ZNF486: variants seen among roughly 807,000 people sequenced by gnomAD.
ZNF486 encodes zinc finger protein 486.
In ZNF486, 12 loss-of-function variants were observed where a neutral mutation model predicts 12.8. The ratio of observed to expected loss-of-function variants is 0.94; its 90% confidence interval spans 0.60 to 1.52. ZNF486 has a LOEUF of 1.52. Ranked by LOEUF, ZNF486 falls within the 40% of genes most tolerant of loss-of-function variation. The probability of loss-of-function intolerance (pLI) is 0.00; values close to 1 mark genes in which losing one functional copy is unlikely to be tolerated. For synonymous variants in ZNF486, 231 were observed against 184.9 expected (o/e 1.25, Z -2.02); for missense variants, 738 against 545.0 (o/e 1.35, Z -3.53).
At position 20,197,177 on chromosome 19, in the gene ZNF486, G is replaced by A; in HGVS notation, c.467G>A (p.Cys156Tyr). 6.2e-7 allele frequency: 1 copy of A among 1,613,730 alleles called. No individual in the cohort carries two copies. The highest frequency in any genetic ancestry group is 8.5e-7 in the Non-Finnish European group (1 of 1,179,890). Reference sequence around the variant, plus strand: ...ACTACCCAGAGCAAAATATTTCAATGTGGTAAATATGTGAAAGTCTTTCAT... The same window carrying A: ...ACTACCCAGAGCAAAATATTTCAATATGGTAAATATGTGAAAGTCTTTCAT... The part of the protein sequence containing the change: ...LTTTQSKIFQ[C>Y]GKYVKVFHQF... The change falls in exon 4 of 4, where the codon TGT becomes TAT. Residue 156 changes from cysteine to tyrosine, a missense_variant. By Grantham distance (194) the Cys-to-Tyr change is radical. Coordinates refer to ENST00000335117, the MANE Select transcript of ZNF486 (RefSeq NM_052852.4).
chr19:20,193,810 GT>G (rs1377438132), intron 3 of ZNF486, among the ~76,000 whole-genome samples: 1 of 150,308 alleles, frequency 6.7e-6, no homozygotes, highest in African/African-American at 2.4e-5. Context: ...TCTTTTTTGT[GT>G]TTTTTTAATT....
rs11880833 is a variant in ZNF486 at position 20,185,582 on chromosome 19, T to C, written c.158-405T>C. ...GCACGTGCCGCTGCACCCAGCTTTT[T>C]GTATTTTAGTAGAAATGGGGTTTCA... On this transcript the variant is annotated intron_variant, in intron 2 of 3. Transcript: ENST00000335117. Among the ~76,000 whole-genome samples the C allele has an allele frequency of 8.3e-4, 126 of 151,870 alleles. 1 individual carries two copies. Among genetic ancestry groups the C allele is most frequent in the African/African-American group, 3.0e-3 (124 of 41,444 alleles).
chr19:20,184,049 CT>C, intron 1 of ZNF486, among the ~76,000 whole-genome samples: 1 of 152,194 alleles, frequency 6.6e-6, no homozygotes, highest in Admixed American at 6.5e-5. Context: ...ATATTCATAA[CT>C]GATTCTGTAT....
chr19:20,195,390 A>T (rs782602120), intron 3 of ZNF486, among the ~76,000 whole-genome samples: 16 of 152,156 alleles, frequency 1.1e-4, no homozygotes, highest in Non-Finnish European at 2.2e-4. Context: ...GCTGGTCTCA[A>T]ACTTCTGACC....
In ZNF486 at chr19:20,197,033, T is replaced by A; in HGVS notation, c.323T>A (p.Ile108Lys). ...ATAAAAGATTCTTACCAAAAAGTGA[T>A]ACTGAGAAAATTTGAAAAATGTGGA... ...QSIKDSYQKVILRKFEKCGHG... is the reference protein window; with the variant it reads ...QSIKDSYQKVKLRKFEKCGHG... The change falls in exon 4 of 4, where the codon ATA (isoleucine) becomes AAA (lysine). Residue 108 changes from isoleucine (I) to lysine (K), a missense_variant. Transcript: ENST00000335117. 6.2e-7 allele frequency: 1 copy of A among 1,609,604 alleles called. No homozygotes were observed. The highest frequency in any genetic ancestry group is 8.5e-7 in the Non-Finnish European group (1 of 1,178,914).
At position 20,197,970 on chromosome 19, in the gene ZNF486, TCTAA is replaced by T. The variant is rs781979652; in HGVS notation, c.1263_1266del (p.Thr422AsnfsTer55). 2 of 1,612,962 alleles carry T rather than the reference TCTAA, an allele frequency of 1.2e-6. No individual in the cohort carries two copies. Among genetic ancestry groups the T allele is most frequent in the Non-Finnish European group, 1.7e-6 (2 of 1,179,586 alleles). ...GCAAAGCGTATACTACATCCTCAAA[TCTAA>T]CTGAACATAAGACAACTCATACTGG... is the stretch of plus-strand genomic sequence containing the variant. On this transcript the variant is annotated frameshift_variant, in exon 4 of 4. Transcript: ENST00000335117. LOFTEE classifies it low-confidence loss of function (END_TRUNC).
chr19:20,168,800 C>A (rs112889211), intron 1 of ZNF486, among the ~76,000 whole-genome samples: 10,880 of 152,108 alleles, frequency 0.072, 589 homozygotes, highest in African/African-American at 0.16. Flanking sequence ...CCTAGTAATT[C>A]CAAGCTAAGG....
chr19:20,185,554 C>G lies in ZNF486; in HGVS notation c.158-433C>G, dbSNP rs567611638. ...GCCTCCTGAGTAGCTGGTACTACTACAGGCACGTGCCGCTGCACCCAGCTT... is the reference window on the plus strand; with the variant it reads ...GCCTCCTGAGTAGCTGGTACTACTAGAGGCACGTGCCGCTGCACCCAGCTT... On this transcript the variant is annotated intron_variant, in intron 2 of 3. Transcript: ENST00000335117. Among the ~76,000 whole-genome samples, 192 of 151,416 alleles carry G rather than the reference C, an allele frequency of 1.3e-3. 1 individual carries two copies. The highest frequency in any genetic ancestry group is 4.4e-3 in the African/African-American group (182 of 41,350).
At position 20,197,549 on chromosome 19, in the gene ZNF486, C is replaced by T. The variant is rs782592510; in HGVS notation, c.839C>T (p.Thr280Ile). ...GGCAAAGCCTTTATGTACCCCTATA[C>T]CCTTACTACACATAAGATAATCCAT... is the stretch of plus-strand genomic sequence containing the variant. ...ECGKAFMYPY[T>I]LTTHKIIHTG... Residue 280 changes from threonine to isoleucine, a missense_variant, in exon 4 of 4, where the codon ACC (threonine) becomes ATC (isoleucine). Coordinates refer to ENST00000335117, the MANE Select transcript of ZNF486 (RefSeq NM_052852.4). The T allele has an allele frequency of 4.0e-5, 65 of 1,609,492 alleles. No individual in the cohort carries two copies. Among genetic ancestry groups the T allele is most frequent in the Middle Eastern group, 1.7e-4 (1 of 6,034 alleles).
intron 3 of ZNF486, among the ~76,000 whole-genome samples, chr19:20,193,743 C>T (rs1384573966): frequency 1.3e-5 from 2 of 151,902 alleles, no homozygotes; most frequent in Non-Finnish European, 2.9e-5. Flanking sequence ...GAAAAACTTA[C>T]TGTTATTTTT....
intron 3 of ZNF486, among the ~76,000 whole-genome samples, chr19:20,195,858 A>G (rs2089953045): frequency 6.6e-6 from 1 of 152,228 alleles, no homozygotes. Flanking sequence ...AGACTCAGCA[A>G]ACTCAAACTG....
At chr19:20,172,005 A>G (rs1415479682) in intron 1 of ZNF486, among the ~76,000 whole-genome samples, 1 of 123,648 alleles carries the variant, frequency 8.1e-6, no homozygotes, top group African/African-American at 3.1e-5. Flanking sequence ...TTTTCCTTTC[A>G]TTTTGTTTTG....
chr19:20,173,701 G>A (rs1328846947), intron 1 of ZNF486, among the ~76,000 whole-genome samples: 2 of 151,922 alleles, frequency 1.3e-5, no homozygotes, highest in Non-Finnish European at 2.9e-5. Context: ...GCGTGGTGGC[G>A]GGCGCCTGTA....
rs552324127 is a variant in ZNF486 at position 20,168,589 on chromosome 19, G to A, written c.30+1229G>A. Among the ~76,000 whole-genome samples, 7 of 151,960 alleles carry A rather than the reference G, an allele frequency of 4.6e-5. No individual in the cohort carries two copies. In the South Asian group the frequency reaches 6.2e-4, roughly 14 times the overall value. ...GAGTTGCTTGAACCCGGGAGGAGGA[G>A]GTTGCGGTGAGCCGAGATCGTGCCA... On this transcript the variant is annotated intron_variant, in intron 1 of 3. Coordinates refer to ENST00000335117, the MANE Select transcript of ZNF486 (RefSeq NM_052852.4).
At chr19:20,173,373 G>A (rs2089670984) in intron 1 of ZNF486, among the ~76,000 whole-genome samples, 1 of 152,078 alleles carries the variant, frequency 6.6e-6, no homozygotes, top group Admixed American at 6.6e-5. Flanking sequence ...GATTATAGGA[G>A]GGTGACATTA....
intron 3 of ZNF486, among the ~76,000 whole-genome samples, chr19:20,187,840 C>A (rs782262994): frequency 1.3e-5 from 2 of 151,894 alleles, no homozygotes; most frequent in Non-Finnish European, 2.9e-5. Flanking sequence ...AGGTAAAGAT[C>A]TTTTGTTGGG....
intron 1 of ZNF486, among the ~76,000 whole-genome samples, chr19:20,170,027 A>G (rs1555713665): frequency 1.3e-5 from 2 of 150,914 alleles, no homozygotes; most frequent in Admixed American, 6.6e-5. Flanking sequence ...AGTAGCTGGG[A>G]CTACAGGCGC....
At chr19:20,196,391 C>T (rs2089958556) in intron 3 of ZNF486, among the ~76,000 whole-genome samples, 1 of 152,138 alleles carries the variant, frequency 6.6e-6, no homozygotes, top group African/African-American at 2.4e-5. Context: ...TGCAGTGGTG[C>T]AATCTTGGCT....
intron 1 of ZNF486, among the ~76,000 whole-genome samples, chr19:20,169,783 G>A (rs1295396106): frequency 2.0e-5 from 3 of 151,940 alleles, no homozygotes; most frequent in Non-Finnish European, 2.9e-5. Context: ...AAAAAAGCGG[G>A]GAGGGGAATG....
Sources: allele counts gnomAD v4.1 joint callset (sites outside exome capture counted in the v4.1 genomes callset), GRCh38; gene constraint gnomAD v4.1.1; transcripts MANE v1.5; gene names NCBI Gene and HGNC (gene_info 2026-07-23, HGNC 2026-07-21).